Variants in SCFD1 observed in about 807,000 individuals in gnomAD.
SCFD1 encodes the protein sec1 family domain-containing protein 1.
A neutral mutation model predicts 103.2 loss-of-function variants in SCFD1; 37 were observed. The ratio of observed to expected loss-of-function variants is 0.36; its 90% CI spans 0.28 to 0.47. SCFD1 has a LOEUF of 0.47. Among genes scored for constraint, SCFD1 ranks in the 20% least tolerant of loss-of-function variants. SCFD1 has a pLI of 1.00. For synonymous variants in SCFD1, 264 were observed against 245.0 expected (o/e 1.08, Z -0.73); for missense variants, 639 against 761.2 (o/e 0.84, Z 1.89).
chr14:30,642,418 C>A (rs1302795071), intron 6 of SCFD1, among the ~76,000 whole-genome samples: 1 of 152,102 alleles, frequency 6.6e-6, no homozygotes, highest in Non-Finnish European at 1.5e-5. Flanking sequence ...TAGAATTATT[C>A]ATATCCATAC....
At chr14:30,697,329 G>T (rs895877248) in intron 15 of SCFD1, among the ~76,000 whole-genome samples, 4 of 152,226 alleles carry the variant, frequency 2.6e-5, no homozygotes, top group African/African-American at 7.2e-5. Context: ...GCTTGAATAG[G>T]CTCCAGATGA....
In SCFD1 at chr14:30,724,002, A is replaced by G. The variant is rs996504769; in HGVS notation, c.1836+1443A>G. Among the ~76,000 whole-genome samples, 4 of 107,562 alleles carry G rather than the reference A, an allele frequency of 3.7e-5. No individual in the cohort carries two copies. The Admixed American group carries it at 4.0e-4, about 11-fold the overall frequency. The allele number at this position is 107,562 out of a possible 152,430, so 70.6% of individuals were successfully genotyped here. A position where few individuals can be genotyped will look rare whatever the true frequency, so the allele number is the denominator to read the frequency against. On this transcript the variant is annotated intron_variant, in intron 23 of 24. Transcript: ENST00000458591. ...TCTTCCACAATGGCTGAACTAATTT[A>G]TACTCCCATCGTGTTCCAAAAAGGG...
At chr14:30,639,349 C>T (rs1197724364) in intron 5 of SCFD1, among the ~76,000 whole-genome samples, 1 of 152,186 alleles carries the variant, frequency 6.6e-6, no homozygotes, top group Non-Finnish European at 1.5e-5. Context: ...TCCTACTCTG[C>T]ACTTCCAAAG....
At chr14:30,718,921 T>C (rs1230578654) in intron 20 of SCFD1, among the ~76,000 whole-genome samples, 1 of 152,146 alleles carries the variant, frequency 6.6e-6, no homozygotes, top group African/African-American at 2.4e-5. Flanking sequence ...AAGAATCAGG[T>C]TTTGATAGTC....
At chr14:30,626,816 A>G (rs574222403) in intron 1 of SCFD1, among the ~76,000 whole-genome samples, 118 of 152,178 alleles carry the variant, frequency 7.8e-4, no homozygotes, top group Non-Finnish European at 1.4e-3. Flanking sequence ...GTACACACAC[A>G]TAAGTATGCA....
chr14:30,732,961 T>G (rs1187657258), intron 23 of SCFD1, among the ~76,000 whole-genome samples: 1 of 152,162 alleles, frequency 6.6e-6, no homozygotes, highest in African/African-American at 2.4e-5. Flanking sequence ...GAGTTAATTT[T>G]ACATTGAATC....
chr14:30,661,936 A>G (rs904682492), intron 10 of SCFD1, among the ~76,000 whole-genome samples: 2 of 152,186 alleles, frequency 1.3e-5, no homozygotes, highest in East Asian at 1.9e-4. Flanking sequence ...TATGAAGGCA[A>G]TGATCCTTAT....
At chr14:30,733,875 A>T (rs150220377) in intron 23 of SCFD1, among the ~76,000 whole-genome samples, 2,356 of 152,232 alleles carry the variant, frequency 0.015, 198 homozygotes, top group Admixed American at 0.14. Flanking sequence ...AGCTATGCCT[A>T]GAAGTTCTGG....
intron 21 of SCFD1, 75 bp from the exon 22 acceptor site, chr14:30,721,809 T>G: frequency 8.6e-7 from 1 of 1,169,248 alleles, no homozygotes. Flanking sequence ...TGCATGTGTG[T>G]GTATTTCCCA....
Position 30,707,999 on chromosome 14 carries a change from A to G in SCFD1, c.1563A>G (p.Ser521=). The change falls in exon 19 of 25, where the codon TCA becomes TCG. Residue 521 remains serine (S), a synonymous_variant. Transcript: ENST00000458591. ...STTTKPMGLL[S]RVMNTGSQFV... The stretch of plus-strand genomic sequence containing the variant: ...TTTTGCCCCTACCTAGTCTTTTATC[A>G]CGAGTCATGAATACAGGATCACAGT... 6.2e-7 allele frequency: 1 copy of G among 1,612,714 alleles called. No individual in the cohort carries two copies. Among genetic ancestry groups the G allele is most frequent in the Non-Finnish European group, 8.5e-7 (1 of 1,178,840 alleles).
chr14:30,683,264 T>C (rs1889639840), intron 14 of SCFD1: 1 of 1,050,212 alleles, frequency 9.5e-7, no homozygotes, highest in Non-Finnish European at 1.4e-6. Flanking sequence ...TCCAGGCATA[T>C]GTTACCCTGG....
chr14:30,676,571 CAG>C (rs1338095435), intron 14 of SCFD1: 1 of 152,138 alleles, frequency 6.6e-6, no homozygotes, highest in Non-Finnish European at 1.5e-5. Context: ...GTGAAGATCT[CAG>C]GGCCAACCAT....
chr14:30,680,763 T>C (rs919400847), intron 14 of SCFD1, among the ~76,000 whole-genome samples: 3 of 152,124 alleles, frequency 2.0e-5, no homozygotes, highest in African/African-American at 7.2e-5. Flanking sequence ...CCCCATCTCA[T>C]AAAAAATAAA....
chr14:30,673,476 A>C (rs533434961), intron 12 of SCFD1, 129 bp downstream of exon 12: 1 of 500,306 alleles, frequency 2.0e-6, no homozygotes. Context: ...AATATTTTCA[A>C]CTTGCGTAAG....
intron 10 of SCFD1, among the ~76,000 whole-genome samples, chr14:30,661,623 T>C (rs1887458156): frequency 6.6e-6 from 1 of 152,140 alleles, no homozygotes; most frequent in Non-Finnish European, 1.5e-5. Context: ...ATAATTGATG[T>C]CTCCGTAAGA....
At chr14:30,641,191 A>G (rs972241565) in intron 6 of SCFD1, among the ~76,000 whole-genome samples, 4 of 152,212 alleles carry the variant, frequency 2.6e-5, no homozygotes, top group Admixed American at 1.3e-4. Context: ...AAATGGTACA[A>G]TGCTTTAAAA....
intron 23 of SCFD1, among the ~76,000 whole-genome samples, chr14:30,729,003 AT>A (rs1236873442): frequency 3.3e-5 from 5 of 151,804 alleles, no homozygotes; most frequent in African/African-American, 1.2e-4. Flanking sequence ...CACCACCATC[AT>A]CCACCTTGGC....
chr14:30,673,924 G>A lies in SCFD1; in HGVS notation c.1087G>A (p.Gly363Arg). 6.2e-7 allele frequency: 1 copy of A among 1,611,876 alleles called. No homozygotes were observed. The highest frequency in any genetic ancestry group is 8.5e-7 in the Non-Finnish European group (1 of 1,178,188). ...TATTGAGACCTTTTTTCTTTACAAG[G>A]GACTAGAAGGGGAAGATGAAGGAGC... is the stretch of plus-strand genomic sequence containing the variant. ...DEVKRLKSIM[G>R]LEGEDEGAIS... Residue 363 changes from glycine to arginine, a missense_variant and splice_region_variant, in exon 13 of 25, where the codon GGA becomes AGA. By Grantham distance (125) the Gly-to-Arg change is moderately radical. Coordinates refer to ENST00000458591, the MANE Select transcript of SCFD1 (RefSeq NM_016106.4).
At position 30,674,368 on chromosome 14, in the gene SCFD1, C is replaced by T. The variant is rs570858217; in HGVS notation, c.1160+371C>T. Among the ~76,000 whole-genome samples, 221 of 151,978 alleles carry T rather than the reference C, an allele frequency of 1.5e-3. 1 individual carries two copies. The highest frequency in any genetic ancestry group is 4.7e-3 in the African/African-American group (193 of 41,450). On this transcript the variant is annotated intron_variant, in intron 13 of 24. Transcript: ENST00000458591. ...GCCATTAAGGAGGGAGGAGGCTGGG[C>T]GCGGTAGCTCACGCCTGTAATCCCA...
Sources: gnomAD v4.1 joint callset for allele counts (sites outside exome capture counted in the v4.1 genomes callset) on GRCh38, gnomAD v4.1.1 for gene constraint, MANE v1.5 for transcripts, NCBI Gene and HGNC (gene_info 2026-07-23, HGNC 2026-07-21) for gene names.